Variants in TTN observed in about 807,000 individuals in gnomAD.
TTN encodes connectin.
A neutral mutation model predicts 3,223.0 loss-of-function variants in TTN; 1,525 were observed. The ratio of observed to expected loss-of-function variants is 0.47; its 90% CI spans 0.45 to 0.49. TTN has a LOEUF of 0.49. TTN is among the 20% of genes least tolerant of loss of function. The pLI, the probability that TTN is intolerant of heterozygous loss-of-function variation, is 0.00. For missense variants in TTN, 40,786 were observed against 43,424.0 expected, an observed-to-expected ratio of 0.94 and a Z score of 5.40; for synonymous variants, 14,094 against 15,161.0, an observed-to-expected ratio of 0.93 and a Z score of 5.17.
chr2:178,600,870 A>G lies in TTN; in HGVS notation c.56034T>C (p.Thr18678=), dbSNP rs374547166. The change falls in exon 288 of 363, where the codon ACT becomes ACC. Residue 18678 remains threonine (T), a synonymous_variant. Coordinates refer to ENST00000589042, the MANE Select transcript of TTN (RefSeq NM_001267550.2). ...GGTACTTACATGTCTGGTCTTTGAC[A>G]GTCACAGGGCCAACAGTGGCTGAAG... is the stretch of plus-strand genomic sequence containing the variant. The part of the protein sequence containing the change: ...SKPSATVGPV[T]VKDQTCPPSI... The G allele has an allele frequency of 1.1e-5, 18 of 1,612,712 alleles. No homozygotes were observed. The African/African-American group carries it at 2.4e-4, about 22-fold the overall frequency.
In TTN at chr2:178,733,501, A is replaced by G. The variant is rs12993099; in HGVS notation, c.15792T>C (p.Ile5264=). The part of the protein sequence containing the change: ...ELIVKEPAKI[I]ERAELIQVTA... ...TCACCTGGATCAGTTCTGCTCGCTCAATGATTTTGGCAGGTTCTACAATGG... is the reference window on the plus strand; with the variant it reads ...TCACCTGGATCAGTTCTGCTCGCTCGATGATTTTGGCAGGTTCTACAATGG... Residue 5264 remains isoleucine (I), a synonymous_variant, in exon 54 of 363, where the codon ATT becomes ATC. Coordinates refer to ENST00000589042, the MANE Select transcript of TTN (RefSeq NM_001267550.2). The G allele has an allele frequency of 0.067, 107,922 of 1,610,452 alleles. 4,204 individuals are homozygous for G. Among genetic ancestry groups the G allele is most frequent in the Middle Eastern group, 0.14 (816 of 6,042 alleles).
In TTN at chr2:178,704,581, T is replaced by G; in HGVS notation, c.29891A>C (p.Gln9964Pro). The stretch of plus-strand genomic sequence containing the variant: ...TCGATAATTGCCCTGGTCTTTAAGT[T>G]GACAGTTTTTGACTCTGAGTGTATG... ...DRHTLRVKNC[Q>P]LKDQGNYRLV... is the part of the protein sequence containing the mutation. The change falls in exon 105 of 363, where the codon CAA becomes CCA. Residue 9964 changes from glutamine (Q) to proline (P), a missense_variant. Physicochemically the swap from Gln to Pro is moderately conservative, Grantham distance 76 (BLOSUM62 -1). Transcript: ENST00000589042. 6.2e-7 allele frequency: 1 copy of G among 1,613,446 alleles called. No homozygotes were observed.
rs2154346241 is a variant in TTN at position 178,776,655 on chromosome 2, C to A, written c.5209G>T (p.Glu1737Ter). ...TPIGDPTMVV[E>*]WLHDGKPLEA... ...AGTGGCTTTCCATCATGGAGCCACT[C>A]CACCACCATCGTTGGGTCACCAATG... The change falls in exon 28 of 363, where the codon GAG (glutamate) becomes TAG (stop). Residue 1737 changes from glutamate to a stop codon, truncating the protein, a stop_gained. Transcript: ENST00000589042. LOFTEE classifies it high-confidence loss of function. 6.2e-7 allele frequency: 1 copy of A among 1,614,114 alleles called. No homozygotes were observed. The highest frequency in any genetic ancestry group is 8.5e-7 in the Non-Finnish European group (1 of 1,180,016).
chr2:178,748,161 C>G (rs1161893644), intron 47 of TTN: 1 of 1,613,100 alleles, frequency 6.2e-7, no homozygotes, highest in South Asian at 1.1e-5. Context: ...TCAGAAAGAT[C>G]AGTTTCTTCT....
Position 178,547,431 on chromosome 2 carries a change from G to A in TTN, c.94195C>T (p.Pro31399Ser). The A allele has an allele frequency of 4.4e-6, 7 of 1,604,218 alleles. No individual in the cohort carries two copies. Among genetic ancestry groups the A allele is most frequent in the Non-Finnish European group, 6.0e-6 (7 of 1,172,892 alleles). Residue 31399 changes from proline (P) to serine (S), a missense_variant, in exon 339 of 363, where the codon CCA becomes TCA. Transcript: ENST00000589042. Reference sequence around the variant, plus strand: ...CCAAATGGATGTTCAGCAATTATTGGTGCTGATTCTAGAGGTTTGCTGACA... The same window carrying A: ...CCAAATGGATGTTCAGCAATTATTGATGCTGATTCTAGAGGTTTGCTGACA... ...FGVSKPLESA[P>S]IIAEHPFVPP...
chr2:178,794,350 C>T (rs746317761), intron 8 of TTN, 49 bp downstream of exon 8: 1 of 1,612,218 alleles, frequency 6.2e-7, no homozygotes, highest in Non-Finnish European at 8.5e-7. Flanking sequence ...AGTTAATGTG[C>T]ACTGAAGGAC....
rs377357360 is a variant in TTN at position 178,663,704 on chromosome 2, T to C, written c.36455A>G (p.Glu12152Gly). Residue 12152 changes from glutamate (E) to glycine (G), a missense_variant, in exon 171 of 363, where the codon GAG (glutamate) becomes GGG (glycine). Coordinates refer to ENST00000589042, the MANE Select transcript of TTN (RefSeq NM_001267550.2). ...TTCAGGAACTACTTCTTTGGGAGGC[T>C]CTGGTACTTAAAAGATATTAGCAAA... is the stretch of plus-strand genomic sequence containing the variant. The part of the protein sequence containing the change: ...EPEVPPVKVP[E>G]PPKEVVPEKK... 2 of 1,613,300 alleles carry C rather than the reference T, an allele frequency of 1.2e-6. No individual in the cohort carries two copies. The highest frequency in any genetic ancestry group is 1.7e-6 in the Non-Finnish European group (2 of 1,179,764).
chr2:178,725,698 A>G (rs2079222208), intron 70 of TTN, 49 bp from the exon 71 acceptor site: 1 of 1,552,168 alleles, frequency 6.4e-7, no homozygotes, highest in Non-Finnish European at 8.7e-7. Flanking sequence ...TGTCCAGATC[A>G]TGCGAGAGTG....
Position 178,614,073 on chromosome 2 carries a change from T to C in TTN, c.49324A>G (p.Ile16442Val), listed in dbSNP as rs2056850681. Reference protein sequence around the residue: ...GVGEPVQASPITAKYQFDPPG... With the variant: ...GVGEPVQASPVTAKYQFDPPG... ...TTACCAAACTGATATTTGGCTGTTA[T>C]TGGAGAGGCCTGAACTGGTTCACCA... The change falls in exon 262 of 363, where the codon ATA (isoleucine) becomes GTA (valine). Residue 16442 changes from isoleucine to valine, a missense_variant. Physicochemically the swap from Ile to Val is conservative, Grantham distance 29. Transcript: ENST00000589042. The C allele has an allele frequency of 6.2e-7, 1 of 1,612,388 alleles. No individual in the cohort carries two copies. Among genetic ancestry groups the C allele is most frequent in the Non-Finnish European group, 8.5e-7 (1 of 1,179,200 alleles).
In TTN at chr2:178,579,162, A is replaced by G; in HGVS notation, c.67868T>C (p.Ile22623Thr). 4 of 1,613,346 alleles carry G rather than the reference A, an allele frequency of 2.5e-6. No individual in the cohort carries two copies. Among genetic ancestry groups the G allele is most frequent in the Non-Finnish European group, 3.4e-6 (4 of 1,179,528 alleles). The part of the protein sequence containing the change: ...CQKSDAGKYT[I>T]TLKNVAGTKE... ...GGTGCCAGCAACATTCTTAAGTGTG[A>G]TTGTGTATTTTCCAGCATCAGATTT... Residue 22623 changes from isoleucine to threonine, a missense_variant, in exon 320 of 363, where the codon ATC becomes ACC. Physicochemically the swap from Ile to Thr is moderately conservative, Grantham distance 89. Transcript: ENST00000589042.
intron 3 of TTN, among the ~76,000 whole-genome samples, chr2:178,801,054 TATTCCAGTAAGTTGCATTAAAATGA>T (rs1212190565): frequency 6.6e-6 from 1 of 152,220 alleles, no homozygotes; most frequent in East Asian, 1.9e-4. Flanking sequence ...CCATGTTGCA[TATTCCAGTAAGTTGCATTAAAATGA>T]ATTCCAGTGG....
rs1182340268 is a variant in TTN at position 178,527,631 on chromosome 2, A to T, written c.107495T>A (p.Phe35832Tyr). The T allele has an allele frequency of 6.2e-7, 1 of 1,613,864 alleles. No homozygotes were observed. Among genetic ancestry groups the T allele is most frequent in the Non-Finnish European group, 8.5e-7 (1 of 1,179,866 alleles). ...QMSASKQEASFSSFSSSSASS... is the reference protein window; with the variant it reads ...QMSASKQEASYSSFSSSSASS... ...AGCACTGCTGCTGCTGAAACTGCTG[A>T]AGGAGGCCTCCTGCTTGGAGGCAGA... Residue 35832 changes from phenylalanine to tyrosine, a missense_variant, in exon 362 of 363, where the codon TTC (phenylalanine) becomes TAC (tyrosine). Transcript: ENST00000589042.
At chr2:178,668,378 G>A (rs1194140533) in intron 159 of TTN, among the ~76,000 whole-genome samples, 1 of 152,034 alleles carries the variant, frequency 6.6e-6, no homozygotes. Flanking sequence ...TCCCAACTTA[G>A]TATAACAGGA....
At position 178,591,805 on chromosome 2, in the gene TTN, C is replaced by G. The variant is rs1280304121; in HGVS notation, c.60014G>C (p.Gly20005Ala). Residue 20005 changes from glycine to alanine, a missense_variant, in exon 303 of 363, where the codon GGT becomes GCT. Physicochemically the swap from Gly to Ala is moderately conservative, Grantham distance 60 (BLOSUM62 0). Coordinates refer to ENST00000589042, the MANE Select transcript of TTN (RefSeq NM_001267550.2). ...SLVWNKPDRD[G>A]GSPITGYLVE... ...CAAATATCCAGTGATTGGAGAACCACCATCACGATCCGGCTTATTCCAGAC... is the reference window on the plus strand; with the variant it reads ...CAAATATCCAGTGATTGGAGAACCAGCATCACGATCCGGCTTATTCCAGAC... 1 of 1,613,210 alleles carries G rather than the reference C, an allele frequency of 6.2e-7. No homozygotes were observed. Among genetic ancestry groups the G allele is most frequent in the South Asian group, 1.1e-5 (1 of 91,064 alleles).
In TTN at chr2:178,712,090, G is replaced by A. The variant is rs775155957; in HGVS notation, c.27740C>T (p.Pro9247Leu). ...AAAATGCATTTTGTAAGTCGTAGTG[G>A]GTCTCAATTTTGTATCTCCTTTATA... The part of the protein sequence containing the change: ...SWYKGDTKLR[P>L]TTTYKMHFRN... The change falls in exon 96 of 363, where the codon CCC becomes CTC. Residue 9247 changes from proline (P) to leucine (L), a missense_variant. Physicochemically the swap from Pro to Leu is moderately conservative, Grantham distance 98. Transcript: ENST00000589042. 2 of 1,613,718 alleles carry A rather than the reference G, an allele frequency of 1.2e-6. No homozygotes were observed. Among genetic ancestry groups the A allele is most frequent in the Admixed American group, 3.3e-5 (2 of 59,996 alleles).
rs374563054 is a variant in TTN at position 178,607,158 on chromosome 2, A to G, written c.53444T>C (p.Ile17815Thr). The G allele has an allele frequency of 1.6e-5, 26 of 1,613,014 alleles. No individual in the cohort carries two copies. In the African/African-American group the frequency reaches 2.9e-4, roughly 18 times the overall value. The change falls in exon 278 of 363, where the codon ATA (isoleucine) becomes ACA (threonine). Residue 17815 changes from isoleucine (I) to threonine (T), a missense_variant. Coordinates refer to ENST00000589042, the MANE Select transcript of TTN (RefSeq NM_001267550.2). The part of the protein sequence containing the change: ...DAKMHTWRQP[I>T]ETERSKCDIT... ...GTCACATTTAGATCTCTCAGTCTCT[A>G]TTGGTTGTCTCCAAGTATGCATCTT...
rs1001132914 is a variant in TTN, at chr2:178,741,281, G to A, written c.11952C>T (p.Tyr3984=). The A allele has an allele frequency of 6.2e-7, 1 of 1,613,770 alleles. No homozygotes were observed. Among genetic ancestry groups the A allele is most frequent in the Non-Finnish European group, 8.5e-7 (1 of 1,179,848 alleles). The change falls in exon 48 of 363, where the codon TAC becomes TAT. Residue 3984 remains tyrosine, a synonymous_variant. Transcript: ENST00000589042. ...ENKQLCTSVY[Y]TIIHNPNGSG... ...AGCCATTAGGGTTATGAATGATAGTGTAATAAACACTGGTGCAAAGCTGCT... is the reference window on the plus strand; with the variant it reads ...AGCCATTAGGGTTATGAATGATAGTATAATAAACACTGGTGCAAAGCTGCT...
chr2:178,568,981 C>G lies in TTN; in HGVS notation c.77151G>C (p.Leu25717=). 1 of 1,613,380 alleles carries G rather than the reference C, an allele frequency of 6.2e-7. No homozygotes were observed. The highest frequency in any genetic ancestry group is 8.5e-7 in the Non-Finnish European group (1 of 1,179,548). The change falls in exon 326 of 363, where the codon CTG becomes CTC. Residue 25717 remains leucine (L), a synonymous_variant. Coordinates refer to ENST00000589042, the MANE Select transcript of TTN (RefSeq NM_001267550.2). The part of the protein sequence containing the change: ...VDDVTRNSVS[L]SWTKPEHDGG... ...CATCATGTTCAGGTTTTGTCCAACT[C>G]AGAGAGACACTGTTTCTGGTGACAT...
chr2:178,598,194 G>T, intron 292 of TTN, 136 bp from the exon 293 acceptor site: 3 of 1,040,716 alleles, frequency 2.9e-6, no homozygotes, highest in Non-Finnish European at 2.8e-6. Flanking sequence ...AGGTTTTAGG[G>T]ATCAGATATT....
Sources: allele counts gnomAD v4.1 joint callset (sites outside exome capture counted in the v4.1 genomes callset), GRCh38; gene constraint gnomAD v4.1.1; transcripts MANE v1.5; gene names NCBI Gene and HGNC (gene_info 2026-07-23, HGNC 2026-07-21).